The following ARHGAP8 variants were observed in gnomAD, a reference collection of about 807,000 sequenced individuals.
The protein encoded by ARHGAP8 is Rho GTPase activating protein 8.
ARHGAP8 carries 62 observed loss-of-function variants against 46.1 expected under a neutral mutation model. The ratio of observed to expected loss-of-function variants is 1.34; its 90% CI spans 1.10 to 1.66. The LOEUF (loss-of-function observed/expected upper bound fraction) is 1.66. Ranked by LOEUF, ARHGAP8 falls within the 40% of genes most tolerant of loss-of-function variation. The pLI is 0.00. For synonymous variants in ARHGAP8, 375 were observed against 243.1 expected (o/e 1.54, Z -5.05); for missense variants, 923 against 568.4 (o/e 1.62, Z -6.34).
intron 10 of ARHGAP8, among the ~76,000 whole-genome samples, chr22:44,853,827 A>G (rs960585140): frequency 2.0e-5 from 3 of 152,000 alleles, no homozygotes; most frequent in African/African-American, 7.3e-5. Context: ...TGGGAGTTTG[A>G]GACCAGTCTG....
rs529873866 is a variant in ARHGAP8, at chr22:44,851,336, G to A, written c.877+2276G>A. ...ATTCTGACAAAAGACAGATTCACAC[G>A]AGAAAAGCATGCCAGTTTATTTAAT... is the stretch of plus-strand genomic sequence containing the variant. On this transcript the variant is annotated intron_variant, in intron 10 of 11. Coordinates refer to ENST00000356099, the MANE Select transcript of ARHGAP8 (RefSeq NM_181335.3). 9.8e-5 allele frequency among the ~76,000 whole-genome samples: 15 copies of A among 152,300 alleles called. 1 individual carries two copies. In the East Asian group the frequency reaches 2.7e-3, roughly 27 times the overall value.
intron 1 of ARHGAP8, among the ~76,000 whole-genome samples, chr22:44,754,073 G>A (rs921182833): frequency 6.6e-6 from 1 of 152,192 alleles, no homozygotes; most frequent in Non-Finnish European, 1.5e-5. Context: ...TGATTCTTGT[G>A]GACAGCCAGC....
intron 11 of ARHGAP8, among the ~76,000 whole-genome samples, chr22:44,860,080 A>G (rs1442498350): frequency 2.6e-5 from 4 of 152,084 alleles, no homozygotes; most frequent in Non-Finnish European, 4.4e-5. Context: ...GCTGTCCCTC[A>G]GCCATTGCCA....
chr22:44,832,968 A>AACAC (rs56982617), intron 7 of ARHGAP8, among the ~76,000 whole-genome samples: 43 of 149,648 alleles, frequency 2.9e-4, no homozygotes, highest in South Asian at 1.3e-3. Context: ...GTCTATTAAA[A>AACAC]ACACACACAC....
At chr22:44,817,112 C>CT (rs1235546171) in intron 5 of ARHGAP8, among the ~76,000 whole-genome samples, 1 of 150,644 alleles carries the variant, frequency 6.6e-6, no homozygotes, top group African/African-American at 2.5e-5. Flanking sequence ...TCTCAAGCTC[C>CT]TGACCTCAGG....
At chr22:44,830,571 C>G (rs1352806630) in intron 7 of ARHGAP8, among the ~76,000 whole-genome samples, 1 of 151,910 alleles carries the variant, frequency 6.6e-6, no homozygotes, top group Non-Finnish European at 1.5e-5. Context: ...AAGTCTTGCT[C>G]TGTCACCCAG....
Position 44,837,860 on chromosome 22 carries a change from G to A in ARHGAP8, c.597-7409G>A, listed in dbSNP as rs563432969. On this transcript the variant is annotated intron_variant, in intron 7 of 11. Transcript: ENST00000356099. The stretch of plus-strand genomic sequence containing the variant: ...CAGTGGAAAACCCGCTTGGCTGGGA[G>A]CACGGCAGCTCTGGGCCAGTCCCTC... 3.9e-5 allele frequency among the ~76,000 whole-genome samples: 6 copies of A among 152,348 alleles called. No homozygotes were observed. The South Asian group carries it at 1.2e-3, about 32-fold the overall frequency.
At chr22:44,784,300 A>G (rs1272819653) in intron 1 of ARHGAP8, among the ~76,000 whole-genome samples, 1 of 152,100 alleles carries the variant, frequency 6.6e-6, no homozygotes, top group Non-Finnish European at 1.5e-5. Flanking sequence ...GCTACTCAGG[A>G]GGCTGAGGCA....
intron 10 of ARHGAP8, among the ~76,000 whole-genome samples, chr22:44,858,762 C>G (rs1261521601): frequency 7.0e-6 from 1 of 143,270 alleles, no homozygotes; most frequent in African/African-American, 2.6e-5. Context: ...GGGCCAGTTG[C>G]ATCAGGCCCC....
chr22:44,822,263 GA>G (rs1930205084), intron 5 of ARHGAP8, 107 bp from the exon 6 acceptor site: 4 of 888,460 alleles, frequency 4.5e-6, no homozygotes, highest in African/African-American at 3.6e-5. Context: ...TTCTTAATAT[GA>G]AAAATGCCTG....
chr22:44,848,349 G>T lies in ARHGAP8; in HGVS notation c.748+299G>T, dbSNP rs1464051683. On this transcript the variant is annotated intron_variant, in intron 9 of 11. Transcript: ENST00000356099. ...GTGCTTTCAGGAGACACCCTGCAGTGCAGGGAAGCTGGTTTTTTTTATCTG... is the reference window on the plus strand; with the variant it reads ...GTGCTTTCAGGAGACACCCTGCAGTTCAGGGAAGCTGGTTTTTTTTATCTG... Among the ~76,000 whole-genome samples, 3 of 114,592 alleles carry T rather than the reference G, an allele frequency of 2.6e-5. No individual in the cohort carries two copies. In the East Asian group the frequency reaches 7.7e-4, roughly 29 times the overall value. 75.2% of individuals were successfully genotyped at this position (114,592 alleles called of 152,430 possible).
At chr22:44,826,857 G>C (rs1366994160) in intron 7 of ARHGAP8, among the ~76,000 whole-genome samples, 1 of 152,200 alleles carries the variant, frequency 6.6e-6, no homozygotes, top group Non-Finnish European at 1.5e-5. Context: ...GCATTCCTGG[G>C]GTTAGAGGGA....
chr22:44,816,436 C>T (rs1310383503), intron 5 of ARHGAP8, among the ~76,000 whole-genome samples: 1 of 152,192 alleles, frequency 6.6e-6, no homozygotes, highest in South Asian at 2.1e-4. Context: ...CCCCGTCCCA[C>T]CCTTGTCCCT....
intron 10 of ARHGAP8, among the ~76,000 whole-genome samples, chr22:44,857,364 G>T (rs1377335451): frequency 6.6e-6 from 1 of 152,136 alleles, no homozygotes; most frequent in Non-Finnish European, 1.5e-5. Context: ...CTGCAGGGAG[G>T]GTCAAAATCT....
intron 1 of ARHGAP8, among the ~76,000 whole-genome samples, chr22:44,780,272 T>G (rs4594555): frequency 0.88 from 133,050 of 151,964 alleles, 58,328 homozygotes; most frequent in Non-Finnish European, 0.89. Context: ...CAAGAGGATC[T>G]CTTGAGCCCA....
intron 1 of ARHGAP8, among the ~76,000 whole-genome samples, chr22:44,759,978 A>C (rs1385151936): frequency 2.0e-5 from 3 of 152,154 alleles, no homozygotes; most frequent in Admixed American, 6.5e-5. Context: ...GTCTTGACCC[A>C]CAGGAGAGGG....
In ARHGAP8 at chr22:44,848,003, C is replaced by T. The variant is rs780105309; in HGVS notation, c.701C>T (p.Ser234Phe). 6.2e-7 allele frequency: 1 copy of T among 1,608,260 alleles called. No individual in the cohort carries two copies. Among genetic ancestry groups the T allele is most frequent in the East Asian group, 2.2e-5 (1 of 44,880 alleles). The change falls in exon 9 of 12, where the codon TCC (serine) becomes TTC (phenylalanine). Residue 234 changes from serine to phenylalanine, a missense_variant. Coordinates refer to ENST00000356099, the MANE Select transcript of ARHGAP8 (RefSeq NM_181335.3). ...CGCACCGAGGGCCTGTTCCGGAGAT[C>T]CGCCAGCGTGCAGACCGTCCGCGAG... ...GLRTEGLFRR[S>F]ASVQTVREIQ...
At chr22:44,764,811 C>T (rs551807632) in intron 1 of ARHGAP8, among the ~76,000 whole-genome samples, 2 of 152,310 alleles carry the variant, frequency 1.3e-5, no homozygotes, top group South Asian at 2.1e-4. Flanking sequence ...GTTACGTGTG[C>T]GCATTACGTG....
intron 7 of ARHGAP8, among the ~76,000 whole-genome samples, chr22:44,830,537 A>G (rs1025295270): frequency 6.8e-6 from 1 of 147,680 alleles, no homozygotes; most frequent in African/African-American, 2.5e-5. Context: ...TCTTTTATTT[A>G]TTTTAGTTTT....
Sources: gnomAD v4.1 joint callset for allele counts (sites outside exome capture counted in the v4.1 genomes callset) on GRCh38, gnomAD v4.1.1 for gene constraint, MANE v1.5 for transcripts, NCBI Gene and HGNC (gene_info 2026-07-23, HGNC 2026-07-21) for gene names.